The following RFTN1 variants were observed in gnomAD, a reference collection of about 807,000 sequenced individuals.
The protein encoded by RFTN1 is raftlin, lipid raft linker 1.
In RFTN1, 26 loss-of-function variants were observed where a neutral mutation model predicts 46.5. That is an observed-to-expected ratio of 0.56 (90% CI 0.41 to 0.78). The LOEUF (loss-of-function observed/expected upper bound fraction) is 0.78. Ranked by LOEUF, RFTN1 falls within the 30% of genes least tolerant of loss-of-function variation. The pLI, the probability that RFTN1 is intolerant of heterozygous loss-of-function variation, is 0.00. For synonymous variants in RFTN1, 261 were observed against 284.2 expected (o/e 0.92, Z 0.82); for missense variants, 693 against 718.7 (o/e 0.96, Z 0.41).
In RFTN1 at chr3:16,512,761, GA is replaced by G. The variant is rs1337163890; in HGVS notation, c.-9+680del. ...CCTTGAGTCTAGAGAAGTGGGTTAA[GA>G]CAAGGGAAGAAAATCCCTTACAGAA... On this transcript the variant is annotated intron_variant, in intron 1 of 9. Coordinates refer to ENST00000334133, the MANE Select transcript of RFTN1 (RefSeq NM_015150.2). This position sits in a 1 kb window ranked among gnomAD's most constrained non-coding sequence, Gnocchi z 4.3. 1.3e-5 allele frequency: 2 copies of G among 152,250 alleles called. No homozygotes were observed. Among genetic ancestry groups the G allele is most frequent in the Admixed American group, 1.3e-4 (2 of 15,282 alleles). 9.4% of individuals were successfully genotyped at this position (152,250 alleles called of 1,614,324 possible).
Position 16,465,453 on chromosome 3 carries a change from CA to C in RFTN1, c.145+28271del. 6.8e-6 allele frequency among the ~76,000 whole-genome samples: 1 copy of C among 146,956 alleles called. No homozygotes were observed. The highest frequency in any genetic ancestry group is 2.7e-5 in the African/African-American group (1 of 36,736). On this transcript the variant is annotated intron_variant, in intron 2 of 9. Coordinates refer to ENST00000334133, the MANE Select transcript of RFTN1 (RefSeq NM_015150.2). The surrounding 1 kb of genome is among the most constrained non-coding windows in gnomAD (Gnocchi z 5.1). ...ACACACACACACACACACACACACACACCCCATGCCTGATTAAACAAAATAA... is the reference window on the plus strand; with the variant it reads ...ACACACACACACACACACACACACACCCCCATGCCTGATTAAACAAAATAA...
chr3:16,480,386 C>T lies in RFTN1; in HGVS notation c.145+13339G>A, dbSNP rs1398138861. On this transcript the variant is annotated intron_variant, in intron 2 of 9. Transcript: ENST00000334133. The surrounding 1 kb of genome is among the most constrained non-coding windows in gnomAD (Gnocchi z 4.3). ...CTAATGTGTACTCCTCCTGATAAATCATGTGTATGTACCTGCAAAGTATGT... is the reference window on the plus strand; with the variant it reads ...CTAATGTGTACTCCTCCTGATAAATTATGTGTATGTACCTGCAAAGTATGT... Among the ~76,000 whole-genome samples the T allele has an allele frequency of 1.3e-5, 2 of 152,186 alleles. No homozygotes were observed. The highest frequency in any genetic ancestry group is 6.5e-5 in the Admixed American group (1 of 15,284).
chr3:16,453,460 A>G (rs1345392185), intron 2 of RFTN1, among the ~76,000 whole-genome samples: 3 of 152,024 alleles, frequency 2.0e-5, no homozygotes, highest in Non-Finnish European at 4.4e-5. Flanking sequence ...CCAACAAACG[A>G]CACCTCCTTG....
rs1559818889 is a variant in RFTN1 at position 16,329,068 on chromosome 3, T to C, written c.1147-2192A>G. Among the ~76,000 whole-genome samples the C allele has an allele frequency of 6.6e-6, 1 of 152,204 alleles. No homozygotes were observed. The highest frequency in any genetic ancestry group is 1.5e-5 in the Non-Finnish European group (1 of 68,032). ...AATGGTGAGGCCTGGTGGGAGTGTT[T>C]AGGTCAGAAGGGCTCCACTCTTGTG... On this transcript the variant is annotated intron_variant, in intron 7 of 9. Transcript: ENST00000334133. The surrounding 1 kb of genome is among the most constrained non-coding windows in gnomAD (Gnocchi z 4.5).
rs976345157 is a variant in RFTN1, at chr3:16,446,587, A to G, written c.146-12550T>C. ...TCAAAAACATGCCACTGGGAAAATC[A>G]AAGGTTGATATGACAACAAAAGCAA... On this transcript the variant is annotated intron_variant, in intron 2 of 9. Transcript: ENST00000334133. This position sits in a 1 kb window ranked among gnomAD's most constrained non-coding sequence, Gnocchi z 4.5. 6.6e-6 allele frequency among the ~76,000 whole-genome samples: 1 copy of G among 152,202 alleles called. No individual in the cohort carries two copies. The highest frequency in any genetic ancestry group is 1.5e-5 in the Non-Finnish European group (1 of 68,040).
At chr3:16,420,913 G>C (rs577165646) in intron 3 of RFTN1, among the ~76,000 whole-genome samples, 2 of 152,292 alleles carry the variant, frequency 1.3e-5, no homozygotes, top group African/African-American at 4.8e-5. Context: ...GTGTCTCTAA[G>C]AGCTCCCAGG....
chr3:16,434,120 C>CG, intron 2 of RFTN1, 83 bp from the exon 3 acceptor site: 2 of 1,199,590 alleles, frequency 1.7e-6, no homozygotes, highest in South Asian at 3.1e-5. Context: ...CCCTTGCCCT[C>CG]GGGGAGGATC....
rs1288555775 is a variant in RFTN1, at chr3:16,384,578, G to A, written c.442-6476C>T. On this transcript the variant is annotated intron_variant, in intron 4 of 9. Coordinates refer to ENST00000334133, the MANE Select transcript of RFTN1 (RefSeq NM_015150.2). The surrounding 1 kb of genome is among the most constrained non-coding windows in gnomAD (Gnocchi z 4.7). ...GGAGAGCTGCTACACACCAGGTAAGGGAGGTTGTATCTATAACTGATGGAT... is the reference window on the plus strand; with the variant it reads ...GGAGAGCTGCTACACACCAGGTAAGAGAGGTTGTATCTATAACTGATGGAT... Among the ~76,000 whole-genome samples the A allele has an allele frequency of 6.6e-6, 1 of 152,144 alleles. No homozygotes were observed. Among genetic ancestry groups the A allele is most frequent in the East Asian group, 1.9e-4 (1 of 5,190 alleles).
intron 9 of RFTN1, 88 bp downstream of exon 9, chr3:16,323,288 G>A: frequency 1.0e-6 from 1 of 952,890 alleles, no homozygotes; most frequent in South Asian, 1.5e-5. Flanking sequence ...GGAAGCTGGA[G>A]CAGGCTGCCC....
rs2075298901 is a variant in RFTN1, at chr3:16,426,852, T to C, written c.332+6999A>G. ...AGCAAAATTCCAGGGCATGGTTTTA[T>C]CCCACTCAATTCATGCAAAATCTAT... On this transcript the variant is annotated intron_variant, in intron 3 of 9. Transcript: ENST00000334133. The surrounding 1 kb of genome is among the most constrained non-coding windows in gnomAD (Gnocchi z 5.9). Among the ~76,000 whole-genome samples, 1 of 152,202 alleles carries C rather than the reference T, an allele frequency of 6.6e-6. No individual in the cohort carries two copies. The highest frequency in any genetic ancestry group is 2.4e-5 in the African/African-American group (1 of 41,444).
At chr3:16,362,455 C>T (rs2072894540) in intron 6 of RFTN1, among the ~76,000 whole-genome samples, 1 of 152,108 alleles carries the variant, frequency 6.6e-6, no homozygotes, top group African/African-American at 2.4e-5. Context: ...GAGTATGGAC[C>T]ATAGTCCAGC....
Position 16,316,965 on chromosome 3 carries a change from C to T in RFTN1, c.1600G>A (p.Glu534Lys), listed in dbSNP as rs928359664. 2 of 1,614,028 alleles carry T rather than the reference C, an allele frequency of 1.2e-6. No homozygotes were observed. Among genetic ancestry groups the T allele is most frequent in the Non-Finnish European group, 1.7e-6 (2 of 1,180,014 alleles). The change falls in exon 10 of 10, where the codon GAG becomes AAG. Residue 534 changes from glutamate (E) to lysine (K), a missense_variant. By Grantham distance (56) the Glu-to-Lys change is moderately conservative. Transcript: ENST00000334133. The surrounding 1 kb of genome is among the most constrained non-coding windows in gnomAD (Gnocchi z 4.5). ...GLLCGVGVEG[E>K]AVQNGPASHS... Reference sequence around the variant, plus strand: ...CTGGCAGGACCATTCTGCACAGCCTCACCCTCCACACCCACCCCACACAGC... The same window carrying T: ...CTGGCAGGACCATTCTGCACAGCCTTACCCTCCACACCCACCCCACACAGC...
intron 3 of RFTN1, among the ~76,000 whole-genome samples, chr3:16,432,285 A>G (rs1048369822): frequency 1.3e-5 from 2 of 152,190 alleles, no homozygotes; most frequent in Non-Finnish European, 2.9e-5. Flanking sequence ...TGAGAGGCCT[A>G]TGTGGGAAAC....
At position 16,361,300 on chromosome 3, in the gene RFTN1, G is replaced by A. The variant is rs1245760132; in HGVS notation, c.1031-3253C>T. 3.9e-5 allele frequency among the ~76,000 whole-genome samples: 6 copies of A among 152,252 alleles called. No homozygotes were observed. Among genetic ancestry groups the A allele is most frequent in the African/African-American group, 1.2e-4 (5 of 41,552 alleles). ...CCAGCCATTCATTATGACACCTACT[G>A]GGAATCTATTATGTGCCAAGTAGTC... On this transcript the variant is annotated intron_variant, in intron 6 of 9. Transcript: ENST00000334133. This position sits in a 1 kb window ranked among gnomAD's most constrained non-coding sequence, Gnocchi z 4.3.
In RFTN1 at chr3:16,458,095, CA is replaced by C. The variant is rs112800956; in HGVS notation, c.146-24059del. ...ACTTCCCAGCCTCCAGAACTGTGAG[CA>C]AAAAAAAATCTTTGTTCTTTATAAA... On this transcript the variant is annotated intron_variant, in intron 2 of 9. Coordinates refer to ENST00000334133, the MANE Select transcript of RFTN1 (RefSeq NM_015150.2). The surrounding 1 kb of genome is among the most constrained non-coding windows in gnomAD (Gnocchi z 5.1). Among the ~76,000 whole-genome samples the C allele has an allele frequency of 1.0e-3, 155 of 150,598 alleles. 1 individual carries two copies. The highest frequency in any genetic ancestry group is 3.7e-3 in the African/African-American group (150 of 41,062).
Position 16,489,674 on chromosome 3 carries a change from G to A in RFTN1, c.145+4051C>T, listed in dbSNP as rs1226399495. On this transcript the variant is annotated intron_variant, in intron 2 of 9. Transcript: ENST00000334133. This position sits in a 1 kb window ranked among gnomAD's most constrained non-coding sequence, Gnocchi z 4.0. ...TGTAAGCCCAGCACTTTGGGAGGCC[G>A]AGGTGGGTGGACCACTTGAGGTCAG... Among the ~76,000 whole-genome samples the A allele has an allele frequency of 6.6e-6, 1 of 152,106 alleles. No homozygotes were observed. The highest frequency in any genetic ancestry group is 2.4e-5 in the African/African-American group (1 of 41,394).
intron 1 of RFTN1, among the ~76,000 whole-genome samples, chr3:16,510,883 G>C (rs1435485992): frequency 6.6e-6 from 1 of 152,168 alleles, no homozygotes; most frequent in Non-Finnish European, 1.5e-5. Context: ...CTAGAAGAAA[G>C]AAACTAAAAT....
At chr3:16,401,321 TA>T (rs56312811) in intron 4 of RFTN1, among the ~76,000 whole-genome samples, 36,963 of 145,112 alleles carry the variant, frequency 0.25, 4,863 homozygotes, top group Middle Eastern at 0.32. Context: ...GAAGCCGTGT[TA>T]AAAAAAAAAA....
intron 3 of RFTN1, among the ~76,000 whole-genome samples, chr3:16,419,556 G>A (rs7632675): frequency 0.19 from 28,244 of 152,088 alleles, 2,901 homozygotes; most frequent in Middle Eastern, 0.29. Context: ...CACCTTCCCA[G>A]AGATGCTCCC....
Sources: allele counts gnomAD v4.1 joint callset (sites outside exome capture counted in the v4.1 genomes callset), GRCh38; gene constraint gnomAD v4.1.1; non-coding constraint Gnocchi (gnomAD v3.1); transcripts MANE v1.5; gene names NCBI Gene and HGNC (gene_info 2026-07-23, HGNC 2026-07-21).